CDC42BPA: variants seen among roughly 807,000 people sequenced by gnomAD.
CDC42BPA encodes the protein serine/threonine-protein kinase MRCK alpha.
Under a neutral mutation model 223.5 loss-of-function variants are expected in CDC42BPA, and 80 were observed. The observed-to-expected ratio is 0.36, with a 90% CI of 0.30 to 0.43. The LOEUF (loss-of-function observed/expected upper bound fraction) is 0.43, where lower values mean the gene tolerates loss of function less well. Ranked by LOEUF, CDC42BPA falls within the 20% of genes least tolerant of loss-of-function variation. The pLI is 1.00. For synonymous variants in CDC42BPA, 694 were observed against 718.6 expected, an observed-to-expected ratio of 0.97 and a Z score of 0.55; for missense variants, 1,743 against 2,099.9, an observed-to-expected ratio of 0.83 and a Z score of 3.32.
At chr1:227,028,631 G>C in intron 30 of CDC42BPA, 26 bp downstream of exon 30, 1 of 1,415,152 alleles carries the variant, frequency 7.1e-7, no homozygotes, top group South Asian at 1.4e-5. Context: ...ATAAAGATAA[G>C]ACAGCCGTAA....
At chr1:227,160,331 C>G (rs1385182968) in intron 6 of CDC42BPA, among the ~76,000 whole-genome samples, 1 of 152,136 alleles carries the variant, frequency 6.6e-6, no homozygotes, top group Non-Finnish European at 1.5e-5. Context: ...ATCTTAAGAT[C>G]ACTGATATAA....
intron 6 of CDC42BPA, among the ~76,000 whole-genome samples, chr1:227,157,224 T>TA (rs1407099096): frequency 6.6e-6 from 1 of 152,262 alleles, no homozygotes; most frequent in Admixed American, 6.5e-5. Flanking sequence ...ATGATATTTT[T>TA]ATGCTATAAA....
chr1:227,256,198 T>A (rs574894933), intron 1 of CDC42BPA, among the ~76,000 whole-genome samples: 2 of 152,190 alleles, frequency 1.3e-5, no homozygotes, highest in South Asian at 4.1e-4. Context: ...AAACCATCAT[T>A]CTCAACAAAC....
chr1:227,099,765 G>T (rs1363962349), intron 15 of CDC42BPA, among the ~76,000 whole-genome samples: 1 of 151,960 alleles, frequency 6.6e-6, no homozygotes, highest in East Asian at 1.9e-4. Context: ...CTTTAACTAA[G>T]AAATCAATCA....
chr1:227,010,862 A>C, intron 34 of CDC42BPA: 1 of 1,338,648 alleles, frequency 7.5e-7, no homozygotes, highest in Non-Finnish European at 9.9e-7. Context: ...TTAACACCTG[A>C]CTCAGCTGTT....
intron 1 of CDC42BPA, among the ~76,000 whole-genome samples, chr1:227,314,415 A>G (rs1187470820): frequency 1.3e-5 from 2 of 152,042 alleles, no homozygotes; most frequent in African/African-American, 4.8e-5. Context: ...TTCCTCCCTC[A>G]AGCCATCAGC....
chr1:227,199,541 C>A lies in CDC42BPA; in HGVS notation c.450+16G>T, dbSNP rs754150232. 3 of 1,394,198 alleles carry A rather than the reference C, an allele frequency of 2.2e-6. No individual in the cohort carries two copies. The highest frequency in any genetic ancestry group is 1.2e-5 in the South Asian group (1 of 83,018). 86.4% of individuals were successfully genotyped at this position (1,394,198 alleles called of 1,614,324 possible). A position where few individuals can be genotyped will look rare whatever the true frequency, so the allele number is the denominator to read the frequency against. ...AACAAAAAAACAGTATATAGAAATA[C>A]AAAAATGATTCTTACTAAGTTATTG... On this transcript the variant is annotated intron_variant, in intron 4 of 36. Transcript: ENST00000366766.
At chr1:227,068,602 T>A in intron 21 of CDC42BPA, 1 of 873,110 alleles carries the variant, frequency 1.1e-6, no homozygotes, top group Non-Finnish European at 1.5e-6. Context: ...TCAAATCAAT[T>A]CACTGATCTT....
intron 2 of CDC42BPA, among the ~76,000 whole-genome samples, chr1:227,220,311 T>TATATATACAC (rs1210485137): frequency 2.0e-4 from 10 of 49,532 alleles, no homozygotes; most frequent in African/African-American, 6.4e-4. Flanking sequence ...TATATATATA[T>TATATATACAC]ACACACACAC....
intron 8 of CDC42BPA, among the ~76,000 whole-genome samples, 169 bp from the exon 9 acceptor site, chr1:227,143,193 T>C (rs1349284901): frequency 6.6e-6 from 1 of 152,176 alleles, no homozygotes; most frequent in Non-Finnish European, 1.5e-5. Context: ...ATTTAGACCA[T>C]GAACACTGCT....
chr1:227,035,821 C>T (rs566626580), intron 24 of CDC42BPA, among the ~76,000 whole-genome samples: 1 of 152,258 alleles, frequency 6.6e-6, no homozygotes, highest in East Asian at 1.9e-4. Context: ...ACTTGTATTA[C>T]TGCTGTTCTG....
intron 14 of CDC42BPA, among the ~76,000 whole-genome samples, chr1:227,103,489 T>C (rs936365012): frequency 2.6e-5 from 4 of 152,106 alleles, no homozygotes; most frequent in African/African-American, 7.2e-5. Flanking sequence ...ATAATTCTAA[T>C]TAAAAGTTCT....
chr1:227,029,314 C>T, intron 29 of CDC42BPA, 64 bp from the exon 30 acceptor site: 1 of 1,068,014 alleles, frequency 9.4e-7, no homozygotes, highest in Non-Finnish European at 1.3e-6. Context: ...CCCAATTATA[C>T]TCAAAAGGAT....
chr1:227,099,208 G>A lies in CDC42BPA; in HGVS notation c.2249+1784C>T, dbSNP rs2492629. Among the ~76,000 whole-genome samples, 5 of 151,534 alleles carry A rather than the reference G, an allele frequency of 3.3e-5. No homozygotes were observed. The East Asian group carries it at 5.8e-4, about 18-fold the overall frequency. On this transcript the variant is annotated intron_variant, in intron 15 of 36. Transcript: ENST00000366766. ...CTGGTTTATATATTTACTATACTTCGTATCGTTATCTTAGAGTATACAGCT... is the reference window on the plus strand; with the variant it reads ...CTGGTTTATATATTTACTATACTTCATATCGTTATCTTAGAGTATACAGCT...
At chr1:227,108,642 C>A (rs1343306299) in intron 14 of CDC42BPA, among the ~76,000 whole-genome samples, 2 of 152,116 alleles carry the variant, frequency 1.3e-5, no homozygotes, top group East Asian at 3.9e-4. Context: ...TTCCAGGACC[C>A]TACTTGAATA....
At chr1:227,147,975 G>A (rs1660993770) in intron 6 of CDC42BPA, among the ~76,000 whole-genome samples, 1 of 151,858 alleles carries the variant, frequency 6.6e-6, no homozygotes, top group Non-Finnish European at 1.5e-5. Flanking sequence ...CCAACACTAT[G>A]AGAAGCCTGG....
At chr1:227,049,793 C>T (rs1315553604) in intron 22 of CDC42BPA, among the ~76,000 whole-genome samples, 1 of 152,056 alleles carries the variant, frequency 6.6e-6, no homozygotes, top group African/African-American at 2.4e-5. Flanking sequence ...GGAAATATAG[C>T]AGGGTCACTT....
intron 1 of CDC42BPA, among the ~76,000 whole-genome samples, chr1:227,299,899 T>A (rs1487047255): frequency 6.6e-6 from 1 of 152,162 alleles, no homozygotes; most frequent in African/African-American, 2.4e-5. Flanking sequence ...AGAGTCATAA[T>A]GTTAAAGTAA....
chr1:227,023,440 A>T, intron 31 of CDC42BPA, 93 bp from the exon 32 acceptor site: 1 of 582,130 alleles, frequency 1.7e-6, no homozygotes, highest in African/African-American at 1.9e-5. Flanking sequence ...CCTTATTAAG[A>T]CTTCTCATTT....
Sources: gnomAD v4.1 joint callset for allele counts (sites outside exome capture counted in the v4.1 genomes callset) on GRCh38, gnomAD v4.1.1 for gene constraint, MANE v1.5 for transcripts, NCBI Gene and HGNC (gene_info 2026-07-23, HGNC 2026-07-21) for gene names.